Variants in ORMDL1 observed in about 807,000 individuals in gnomAD.
ORMDL1 encodes ORM1-like protein 1.
A neutral mutation model predicts 13.0 loss-of-function variants in ORMDL1; 10 were observed. The observed-to-expected ratio is 0.77, with a 90% CI of 0.47 to 1.30. ORMDL1 has a LOEUF of 1.30. Ranked by LOEUF, ORMDL1 falls within the 50% of genes most tolerant of loss-of-function variation. The probability of loss-of-function intolerance (pLI) is 0.00; values close to 1 mark genes in which losing one functional copy is unlikely to be tolerated. For missense variants in ORMDL1, 171 were observed against 186.7 expected (o/e 0.92, Z 0.49); for synonymous variants, 61 against 63.9 (o/e 0.95, Z 0.22).
In ORMDL1 at chr2:189,783,779, A is replaced by G. The variant is rs543936757; in HGVS notation, c.-118+490T>C. ...GCCTGAAATTTACATCTCAGCTGGA[A>G]GGCAAAGCTGGTGCGGTACTCATCC... On this transcript the variant is annotated intron_variant, in intron 1 of 4. Coordinates refer to ENST00000392349, the MANE Select transcript of ORMDL1 (RefSeq NM_016467.5). Among the ~76,000 whole-genome samples the G allele has an allele frequency of 4.6e-4, 70 of 152,350 alleles. 1 individual carries two copies. Among genetic ancestry groups the G allele is most frequent in the African/African-American group, 1.6e-3 (66 of 41,582 alleles).
In ORMDL1 at chr2:189,778,424, C is replaced by T. The variant is rs190293032; in HGVS notation, c.175-2708G>A. 5.0e-4 allele frequency: 226 copies of T among 455,558 alleles called. 1 individual carries two copies. In the Admixed American group the frequency reaches 5.3e-3, roughly 11 times the overall value. The allele number at this position is 455,558 out of a possible 1,614,324, so 28.2% of individuals were successfully genotyped here. A position where few individuals can be genotyped will look rare whatever the true frequency, so the allele number is the denominator to read the frequency against. On this transcript the variant is annotated intron_variant, in intron 3 of 4. Coordinates refer to ENST00000392349, the MANE Select transcript of ORMDL1 (RefSeq NM_016467.5). Reference sequence around the variant, plus strand: ...AAAAAGGACTAACTTATTCGGCAAACATTTAAATACGTTCTTAGCGATACA... The same window carrying T: ...AAAAAGGACTAACTTATTCGGCAAATATTTAAATACGTTCTTAGCGATACA...
At chr2:189,781,380 T>C (rs1340315745) in intron 3 of ORMDL1, among the ~76,000 whole-genome samples, 1 of 152,166 alleles carries the variant, frequency 6.6e-6, no homozygotes, top group Non-Finnish European at 1.5e-5. Context: ...GTTACTTTAA[T>C]GGGTTATTAA....
chr2:189,783,133 T>A lies in ORMDL1; in HGVS notation c.-117-10A>T, dbSNP rs1019244746. The A allele has an allele frequency of 6.6e-6, 1 of 152,492 alleles. No homozygotes were observed. Among genetic ancestry groups the A allele is most frequent in the South Asian group, 2.1e-4 (1 of 4,860 alleles). 9.4% of individuals were successfully genotyped at this position (152,492 alleles called of 1,614,324 possible). A position where few individuals can be genotyped will look rare whatever the true frequency, so the allele number is the denominator to read the frequency against. The stretch of plus-strand genomic sequence containing the variant: ...ATGTGGAAGGTACATGCTGTTGACA[T>A]AATGTGGTGTAAAATTTACATGGTC... On this transcript the variant is annotated splice_polypyrimidine_tract_variant and intron_variant, in intron 1 of 4. Transcript: ENST00000392349.
In ORMDL1 at chr2:189,771,537, G is replaced by C. The variant is rs1254929256; in HGVS notation, c.*230C>G. On this transcript the variant is annotated 3_prime_UTR_variant, in exon 5 of 5. Coordinates refer to ENST00000392349, the MANE Select transcript of ORMDL1 (RefSeq NM_016467.5). ...GCCCTTTAACTTATAAGCTGGGCCTGCCCAGCCTGCTTATAAAGCCCCTCT... is the reference window on the plus strand; with the variant it reads ...GCCCTTTAACTTATAAGCTGGGCCTCCCCAGCCTGCTTATAAAGCCCCTCT... 2.8e-6 allele frequency: 1 copy of C among 358,834 alleles called. No homozygotes were observed. The highest frequency in any genetic ancestry group is 5.0e-6 in the Non-Finnish European group (1 of 201,966). 22.2% of individuals were successfully genotyped at this position (358,834 alleles called of 1,614,324 possible). A position where few individuals can be genotyped will look rare whatever the true frequency, so the allele number is the denominator to read the frequency against.
chr2:189,772,422 A>G (rs1235436949), intron 4 of ORMDL1, among the ~76,000 whole-genome samples: 1 of 152,204 alleles, frequency 6.6e-6, no homozygotes, highest in East Asian at 1.9e-4. Flanking sequence ...ACTGTAGTTG[A>G]GCAGCTCTAT....
downstream of ORMDL1, among the ~76,000 whole-genome samples, chr2:189,768,853 A>AT (rs2106135424): frequency 6.6e-6 from 1 of 152,356 alleles, no homozygotes; most frequent in African/African-American, 2.4e-5. Context: ...ATCTGAAACC[A>AT]TATCATATGG....
intron 3 of ORMDL1, 131 bp from the exon 4 acceptor site, chr2:189,775,847 A>G (rs2047684598): frequency 5.0e-6 from 4 of 792,848 alleles, no homozygotes; most frequent in Non-Finnish European, 5.5e-6. Flanking sequence ...AAGCTTTCAT[A>G]TAATAGTGAA....
chr2:189,775,410 G>T, intron 4 of ORMDL1, 155 bp downstream of exon 4: 1 of 752,054 alleles, frequency 1.3e-6, no homozygotes, highest in Non-Finnish European at 2.0e-6. Context: ...TTATCAACTT[G>T]TTAAAAATTT....
At position 189,775,693 on chromosome 2, in the gene ORMDL1, T is replaced by C; in HGVS notation, c.198A>G (p.Ala66=). 1.2e-6 allele frequency: 2 copies of C among 1,613,348 alleles called. No individual in the cohort carries two copies. Among genetic ancestry groups the C allele is most frequent in the African/African-American group, 1.3e-5 (1 of 75,002 alleles). The change falls in exon 4 of 5, where the codon GCA becomes GCG. Residue 66 remains alanine, a synonymous_variant. Coordinates refer to ENST00000392349, the MANE Select transcript of ORMDL1 (RefSeq NM_016467.5). ...GAGTTTCGAAAGGTGTTCCTTTCACTGCATGCAAAAATACGTACATCCCCT... is the reference window on the plus strand; with the variant it reads ...GAGTTTCGAAAGGTGTTCCTTTCACCGCATGCAAAAATACGTACATCCCCT... The part of the protein sequence containing the change: ...HNLGMYVFLH[A]VKGTPFETPD...
chr2:189,778,803 G>A (rs1174260325), intron 3 of ORMDL1, among the ~76,000 whole-genome samples: 1 of 152,068 alleles, frequency 6.6e-6, no homozygotes, highest in African/African-American at 2.4e-5. Flanking sequence ...GCTGAGGCAG[G>A]AGAATTGCTT....
At position 189,778,285 on chromosome 2, in the gene ORMDL1, C is replaced by T. The variant is rs1380224954; in HGVS notation, c.175-2569G>A. The stretch of plus-strand genomic sequence containing the variant: ...TGGTGCACACCTGTAATCCCAGCGA[C>T]TCAGGAGGCTGAGGCAGGAGAATCG... On this transcript the variant is annotated intron_variant, in intron 3 of 4. Transcript: ENST00000392349. 2.4e-5 allele frequency: 10 copies of T among 420,730 alleles called. No homozygotes were observed. The East Asian group carries it at 6.4e-4, about 27-fold the overall frequency. 26.1% of individuals were successfully genotyped at this position (420,730 alleles called of 1,614,324 possible).
intron 3 of ORMDL1, chr2:189,778,056 A>C: frequency 2.6e-6 from 1 of 386,842 alleles, no homozygotes; most frequent in East Asian, 7.7e-5. Flanking sequence ...TCAATTACCA[A>C]TCATTTGTCC....
intron 3 of ORMDL1, among the ~76,000 whole-genome samples, chr2:189,780,145 A>C (rs569306371): frequency 6.6e-6 from 1 of 152,322 alleles, no homozygotes; most frequent in East Asian, 1.9e-4. Context: ...TACATCATAC[A>C]CACACAGCCT....
At chr2:189,783,738 G>A (rs561338441) in intron 1 of ORMDL1, among the ~76,000 whole-genome samples, 1 of 152,288 alleles carries the variant, frequency 6.6e-6, no homozygotes, top group Non-Finnish European at 1.5e-5. Flanking sequence ...GTTTTCCCAC[G>A]TTCCACAGGA....
intron 3 of ORMDL1, among the ~76,000 whole-genome samples, chr2:189,781,155 T>A (rs781313957): frequency 9.9e-5 from 15 of 152,118 alleles, no homozygotes; most frequent in Non-Finnish European, 1.8e-4. Flanking sequence ...AATCCTGAGC[T>A]CAAGTGATCT....
In ORMDL1 at chr2:189,770,624, T is replaced by G. The variant is rs2047558356; in HGVS notation, c.*1143A>C. The stretch of plus-strand genomic sequence containing the variant: ...GTTTACTTCTCAAAGTAGTATATAG[T>G]TATTTCTTGCAATTAATGTCAGCAA... On this transcript the variant is annotated 3_prime_UTR_variant, in exon 5 of 5. Transcript: ENST00000392349. The G allele has an allele frequency of 1.3e-5, 2 of 152,230 alleles. No individual in the cohort carries two copies. Among genetic ancestry groups the G allele is most frequent in the African/African-American group, 4.8e-5 (2 of 41,458 alleles). The allele number at this position is 152,230 out of a possible 1,614,324, so 9.4% of individuals were successfully genotyped here.
chr2:189,784,224 G>A (rs961470602), intron 1 of ORMDL1, 45 bp downstream of exon 1: 1 of 152,310 alleles, frequency 6.6e-6, no homozygotes, highest in Non-Finnish European at 1.5e-5. Flanking sequence ...GTTCCCTACC[G>A]ACGAAGGCGA....
downstream of ORMDL1, among the ~76,000 whole-genome samples, chr2:189,766,526 G>C (rs968476923): frequency 6.6e-6 from 1 of 152,080 alleles, no homozygotes; most frequent in East Asian, 1.9e-4. Flanking sequence ...TCAGGAGTTC[G>C]AGACCAGCCT....
downstream of ORMDL1, among the ~76,000 whole-genome samples, chr2:189,766,724 CAAA>C (rs58840698): frequency 1.4e-5 from 2 of 146,412 alleles, no homozygotes; most frequent in Non-Finnish European, 3.0e-5. Flanking sequence ...ACTCCCGTCT[CAAA>C]AAAAAAAAAA....
Sources: gnomAD v4.1 joint callset for allele counts (sites outside exome capture counted in the v4.1 genomes callset) on GRCh38, gnomAD v4.1.1 for gene constraint, MANE v1.5 for transcripts, NCBI Gene and HGNC (gene_info 2026-07-23, HGNC 2026-07-21) for gene names.